Variants in PSKH1 observed in about 807,000 individuals in gnomAD.
The protein encoded by PSKH1 is serine/threonine-protein kinase H1.
A neutral mutation model predicts 26.7 loss-of-function variants in PSKH1; 12 were observed. That is an observed-to-expected ratio of 0.45 (90% confidence interval 0.29 to 0.73). PSKH1 has a LOEUF of 0.73. PSKH1 is among the 30% of genes least tolerant of loss of function. The pLI is 0.11. For synonymous variants in PSKH1, 213 were observed against 234.3 expected (o/e 0.91, Z 0.83); for missense variants, 431 against 595.2 (o/e 0.72, Z 2.87).
At position 67,927,455 on chromosome 16, in the gene PSKH1, C is replaced by T. The variant is rs2058220460; in HGVS notation, c.1088C>T (p.Ser363Phe). 1 of 1,614,090 alleles carries T rather than the reference C, an allele frequency of 6.2e-7. No individual in the cohort carries two copies. Among genetic ancestry groups the T allele is most frequent in the African/African-American group, 1.3e-5 (1 of 74,942 alleles). ...GTGGTGAGCATGGCTGCCTCTTCAT[C>T]CATGAAGAACCTGCACCGCTCCATA... ...PWVVSMAASS[S>F]MKNLHRSISQ... The change falls in exon 3 of 3, where the codon TCC becomes TTC. Residue 363 changes from serine (S) to phenylalanine (F), a missense_variant. Physicochemically the swap from Ser to Phe is radical, Grantham distance 155. Coordinates refer to ENST00000291041, the MANE Select transcript of PSKH1 (RefSeq NM_006742.3). This position sits in a 1 kb window ranked among gnomAD's most constrained non-coding sequence, Gnocchi z 5.5.
intron 2 of PSKH1, among the ~76,000 whole-genome samples, chr16:67,911,854 T>C (rs1364583274): frequency 6.6e-6 from 1 of 152,226 alleles, no homozygotes; most frequent in Non-Finnish European, 1.5e-5. Context: ...CATCCCCATG[T>C]CATGCCTCTC....
intron 2 of PSKH1, among the ~76,000 whole-genome samples, chr16:67,915,820 ATTG>A (rs1357184638): frequency 3.9e-5 from 6 of 151,928 alleles, no homozygotes; most frequent in Non-Finnish European, 5.9e-5. Context: ...ATTTTTTGTT[ATTG>A]TTGTTCTCCT....
Position 67,928,013 on chromosome 16 carries a change from T to C in PSKH1, c.*371T>C. 4.2e-6 allele frequency: 1 copy of C among 240,326 alleles called. No homozygotes were observed. Among genetic ancestry groups the C allele is most frequent in the South Asian group, 8.0e-5 (1 of 12,502 alleles). 14.9% of individuals were successfully genotyped at this position (240,326 alleles called of 1,614,324 possible). A position where few individuals can be genotyped will look rare whatever the true frequency, so the allele number is the denominator to read the frequency against. ...GGGAACTGCAGTGCTGGGTGGAGTG[T>C]CCTGTGGCCTCAGGACCCTTTGGGA... On this transcript the variant is annotated 3_prime_UTR_variant, in exon 3 of 3. Coordinates refer to ENST00000291041, the MANE Select transcript of PSKH1 (RefSeq NM_006742.3). This position sits in a 1 kb window ranked among gnomAD's most constrained non-coding sequence, Gnocchi z 4.8.
At chr16:67,921,774 T>C (rs1440344365) in intron 2 of PSKH1, among the ~76,000 whole-genome samples, 1 of 152,188 alleles carries the variant, frequency 6.6e-6, no homozygotes, top group African/African-American at 2.4e-5. Context: ...CACAGGCCTA[T>C]TGCAAAGCGA....
intron 1 of PSKH1, among the ~76,000 whole-genome samples, chr16:67,894,233 G>C (rs927592420): frequency 6.6e-6 from 1 of 152,118 alleles, no homozygotes; most frequent in Non-Finnish European, 1.5e-5. Context: ...GCTCACTGCA[G>C]CCTTGAACTC....
chr16:67,923,211 C>T (rs997901120), intron 2 of PSKH1, among the ~76,000 whole-genome samples: 1 of 152,132 alleles, frequency 6.6e-6, no homozygotes, highest in Non-Finnish European at 1.5e-5. Flanking sequence ...TAAGGAGGTG[C>T]TCACGGAAGA....
intron 1 of PSKH1, among the ~76,000 whole-genome samples, chr16:67,900,580 T>C (rs963176999): frequency 2.0e-5 from 3 of 152,144 alleles, no homozygotes; most frequent in Non-Finnish European, 4.4e-5. Context: ...GATGGGGAAC[T>C]AGGATATTTG....
At chr16:67,896,798 T>C (rs2151309679) in intron 1 of PSKH1, among the ~76,000 whole-genome samples, 1 of 152,336 alleles carries the variant, frequency 6.6e-6, no homozygotes, top group Non-Finnish European at 1.5e-5. Context: ...AGTTTTGTGC[T>C]TGTTAAGTTG....
At chr16:67,894,779 T>C (rs1159405511) in intron 1 of PSKH1, among the ~76,000 whole-genome samples, 1 of 151,896 alleles carries the variant, frequency 6.6e-6, no homozygotes, top group African/African-American at 2.4e-5. Flanking sequence ...TTTGAGCACC[T>C]ATCAGGGCTA....
chr16:67,909,786 G>A lies in PSKH1; in HGVS notation c.957+80G>A. 1.5e-6 allele frequency: 2 copies of A among 1,338,970 alleles called. No homozygotes were observed. Among genetic ancestry groups the A allele is most frequent in the Non-Finnish European group, 2.1e-6 (2 of 967,002 alleles). 82.9% of individuals were successfully genotyped at this position (1,338,970 alleles called of 1,614,324 possible). A position where few individuals can be genotyped will look rare whatever the true frequency, so the allele number is the denominator to read the frequency against. On this transcript the variant is annotated intron_variant, in intron 2 of 2. Transcript: ENST00000291041. This position sits in a 1 kb window ranked among gnomAD's most constrained non-coding sequence, Gnocchi z 7.8. ...TATATCCTGCAGCTCTCAGTCAGAGGTATGTCCTCAGGGCCATGCTCGTGA... is the reference window on the plus strand; with the variant it reads ...TATATCCTGCAGCTCTCAGTCAGAGATATGTCCTCAGGGCCATGCTCGTGA...
chr16:67,926,295 C>T (rs751623508), intron 2 of PSKH1, among the ~76,000 whole-genome samples: 7 of 152,244 alleles, frequency 4.6e-5, no homozygotes, highest in Non-Finnish European at 8.8e-5. Flanking sequence ...CATCCGGCAG[C>T]ACCGTGGGTT....
intron 2 of PSKH1, among the ~76,000 whole-genome samples, chr16:67,914,131 G>A (rs1013246946): frequency 2.0e-5 from 3 of 152,088 alleles, no homozygotes; most frequent in East Asian, 1.9e-4. Flanking sequence ...GGAGAACCAC[G>A]TGAAGTTGTA....
intron 2 of PSKH1, among the ~76,000 whole-genome samples, chr16:67,924,532 C>T (rs1195461397): frequency 6.6e-6 from 1 of 152,210 alleles, no homozygotes; most frequent in African/African-American, 2.4e-5. Flanking sequence ...CACGGTTTCG[C>T]TGGGTGTGGA....
Position 67,909,972 on chromosome 16 carries a change from G to T in PSKH1, c.957+266G>T. On this transcript the variant is annotated intron_variant, in intron 2 of 2. Transcript: ENST00000291041. The surrounding 1 kb of genome is among the most constrained non-coding windows in gnomAD (Gnocchi z 7.8). ...AGGAGTGGGAAAAGTGAGGCAGGAA[G>T]GGAGAAAGTCAGTAGAGTATATTGA... The T allele has an allele frequency of 1.8e-6, 1 of 562,042 alleles. No homozygotes were observed. The allele number at this position is 562,042 out of a possible 1,614,324, so 34.8% of individuals were successfully genotyped here. A position where few individuals can be genotyped will look rare whatever the true frequency, so the allele number is the denominator to read the frequency against.
chr16:67,919,125 C>T (rs555542965), intron 2 of PSKH1, among the ~76,000 whole-genome samples: 4 of 152,278 alleles, frequency 2.6e-5, no homozygotes, highest in East Asian at 1.9e-4. Context: ...GAGCGCTGTC[C>T]GGGTGTCTGG....
intron 1 of PSKH1, among the ~76,000 whole-genome samples, chr16:67,908,325 A>C (rs2058162282): frequency 6.6e-6 from 1 of 152,164 alleles, no homozygotes; most frequent in Admixed American, 6.5e-5. Flanking sequence ...GCTGGAGTGC[A>C]GTGGTGCAAT....
chr16:67,897,970 C>T (rs2058131082), intron 1 of PSKH1, among the ~76,000 whole-genome samples: 1 of 152,172 alleles, frequency 6.6e-6, no homozygotes, highest in Non-Finnish European at 1.5e-5. Flanking sequence ...GCCTCAGCCT[C>T]CCGAGTAGCT....
chr16:67,895,412 T>A (rs967494304), intron 1 of PSKH1, among the ~76,000 whole-genome samples: 2 of 147,684 alleles, frequency 1.4e-5, no homozygotes, highest in Non-Finnish European at 3.0e-5. Context: ...GAATCTGTAT[T>A]TTTTTTTTTT....
chr16:67,896,384 C>A (rs1403809677), intron 1 of PSKH1, among the ~76,000 whole-genome samples: 1 of 152,104 alleles, frequency 6.6e-6, no homozygotes, highest in Non-Finnish European at 1.5e-5. Context: ...GCTGGGATTA[C>A]AAGCATGAGC....
Sources: allele counts gnomAD v4.1 joint callset (sites outside exome capture counted in the v4.1 genomes callset), GRCh38; gene constraint gnomAD v4.1.1; non-coding constraint Gnocchi (gnomAD v3.1); transcripts MANE v1.5; gene names NCBI Gene and HGNC (gene_info 2026-07-23, HGNC 2026-07-21).